DDX10: variants seen among roughly 807,000 people sequenced by gnomAD.
DDX10 encodes DEAD-box helicase 10.
DDX10 carries 74 observed loss-of-function variants against 104.3 expected under a neutral mutation model. The ratio of observed to expected loss-of-function variants is 0.71; its 90% CI spans 0.59 to 0.86. The LOEUF (loss-of-function observed/expected upper bound fraction) is 0.86. DDX10 is among the 40% of genes least tolerant of loss of function. The probability of loss-of-function intolerance (pLI) is 0.00; values close to 1 mark genes in which losing one functional copy is unlikely to be tolerated. For synonymous variants in DDX10, 351 were observed against 353.4 expected, an observed-to-expected ratio of 0.99 and a Z score of 0.08; for missense variants, 952 against 1,040.0, an observed-to-expected ratio of 0.92 and a Z score of 1.16.
chr11:108,925,995 T>C (rs1428815545), intron 17 of DDX10, among the ~76,000 whole-genome samples: 2 of 152,180 alleles, frequency 1.3e-5, no homozygotes, highest in African/African-American at 2.4e-5. Context: ...GGGTAGGTGG[T>C]GATCTTAGAT....
At chr11:108,929,590 G>A (rs1863951419) in intron 17 of DDX10, 1 of 152,130 alleles carries the variant, frequency 6.6e-6, no homozygotes, top group Non-Finnish European at 1.5e-5. Context: ...GGAAACAGTT[G>A]CTAGTCTAGT....
At chr11:108,689,159 A>G in intron 7 of DDX10, 97 bp downstream of exon 7, 1 of 1,331,754 alleles carries the variant, frequency 7.5e-7, no homozygotes. Context: ...CGAGAAGTAC[A>G]GTGCTAGGTG....
intron 13 of DDX10, among the ~76,000 whole-genome samples, chr11:108,816,753 C>G (rs1157715551): frequency 2.0e-5 from 3 of 152,076 alleles, no homozygotes; most frequent in Admixed American, 6.5e-5. Flanking sequence ...AGAGTTTCAC[C>G]ATGTTGGCCA....
intron 13 of DDX10, among the ~76,000 whole-genome samples, chr11:108,771,703 C>G (rs1252820599): frequency 1.3e-5 from 2 of 152,134 alleles, no homozygotes; most frequent in Non-Finnish European, 2.9e-5. Context: ...TATTGTTTAT[C>G]TAAATGAGTG....
intron 13 of DDX10, among the ~76,000 whole-genome samples, chr11:108,735,798 C>G (rs750621131): frequency 6.6e-5 from 10 of 151,920 alleles, no homozygotes; most frequent in Non-Finnish European, 1.0e-4. Flanking sequence ...GCTAGGCACT[C>G]TAGGGGGAAT....
chr11:108,900,431 T>C (rs1242901340), intron 16 of DDX10, among the ~76,000 whole-genome samples: 1 of 152,206 alleles, frequency 6.6e-6, no homozygotes, highest in Non-Finnish European at 1.5e-5. Context: ...CCAGTCCACC[T>C]TTCTAAAATA....
intron 13 of DDX10, chr11:108,768,089 C>CGT (rs1051803550): frequency 1.3e-5 from 2 of 152,142 alleles, no homozygotes; most frequent in African/African-American, 4.8e-5. Flanking sequence ...ATATATAATA[C>CGT]ATGTAACAAA....
intron 13 of DDX10, among the ~76,000 whole-genome samples, chr11:108,793,197 A>C (rs934976015): frequency 2.6e-5 from 4 of 152,118 alleles, no homozygotes; most frequent in Admixed American, 2.0e-4. Flanking sequence ...GTGACACTCC[A>C]CTGATATGTG....
chr11:108,875,529 C>T (rs185885448), intron 16 of DDX10, among the ~76,000 whole-genome samples: 14 of 152,268 alleles, frequency 9.2e-5, no homozygotes, highest in African/African-American at 3.4e-4. Context: ...TTTAAGCTCT[C>T]ATCAGAATGC....
At chr11:108,729,274 T>C (rs558363604) in intron 13 of DDX10, among the ~76,000 whole-genome samples, 1 of 152,286 alleles carries the variant, frequency 6.6e-6, no homozygotes, top group African/African-American at 2.4e-5. Context: ...GCCGCTCTTA[T>C]TGAAGGAGGG....
intron 16 of DDX10, among the ~76,000 whole-genome samples, chr11:108,893,836 G>C (rs895611882): frequency 3.3e-5 from 5 of 152,042 alleles, no homozygotes; most frequent in Admixed American, 1.3e-4. Context: ...TTTCTCCAGA[G>C]AAAGTAATAG....
chr11:108,908,673 A>C (rs1216842400), intron 16 of DDX10, among the ~76,000 whole-genome samples: 1 of 152,228 alleles, frequency 6.6e-6, no homozygotes, highest in Non-Finnish European at 1.5e-5. Flanking sequence ...GGTCTCTAAT[A>C]CATTAAATAT....
intron 7 of DDX10, among the ~76,000 whole-genome samples, chr11:108,689,442 C>T (rs1376133462): frequency 1.3e-5 from 2 of 152,176 alleles, no homozygotes; most frequent in Non-Finnish European, 2.9e-5. Flanking sequence ...GCTGATCTGT[C>T]TGGAATGCCC....
intron 13 of DDX10, among the ~76,000 whole-genome samples, chr11:108,727,151 T>C (rs1212826111): frequency 6.6e-6 from 1 of 152,074 alleles, no homozygotes; most frequent in Admixed American, 6.6e-5. Context: ...TTGCGATGAC[T>C]TGACTGGGAA....
At chr11:108,861,672 C>G (rs1447113799) in intron 16 of DDX10, among the ~76,000 whole-genome samples, 2 of 151,962 alleles carry the variant, frequency 1.3e-5, no homozygotes, top group East Asian at 3.9e-4. Context: ...AAGGGGGCTC[C>G]TGGAGAACTT....
intron 16 of DDX10, 85 bp from the exon 17 acceptor site, chr11:108,917,788 G>A: frequency 7.5e-7 from 1 of 1,341,448 alleles, no homozygotes; most frequent in South Asian, 1.4e-5. Context: ...CAATTAGAGG[G>A]ATATCCATTG....
intron 16 of DDX10, among the ~76,000 whole-genome samples, chr11:108,854,700 A>T (rs1423289196): frequency 6.7e-6 from 1 of 150,344 alleles, no homozygotes; most frequent in Non-Finnish European, 1.5e-5. Context: ...TCATTTTATT[A>T]TACAAGGAAG....
intron 16 of DDX10, among the ~76,000 whole-genome samples, chr11:108,889,695 C>G (rs1863349172): frequency 6.6e-6 from 1 of 152,094 alleles, no homozygotes; most frequent in African/African-American, 2.4e-5. Flanking sequence ...AGCCATTTAC[C>G]TGTGTGCTTT....
At chr11:108,865,001 G>A (rs1591101384) in intron 16 of DDX10, among the ~76,000 whole-genome samples, 1 of 152,192 alleles carries the variant, frequency 6.6e-6, no homozygotes, top group East Asian at 1.9e-4. Flanking sequence ...CCAATGCTGG[G>A]ATATAAGGGC....
Sources: allele counts gnomAD v4.1 joint callset (sites outside exome capture counted in the v4.1 genomes callset), GRCh38; gene constraint gnomAD v4.1.1; transcripts MANE v1.5; gene names NCBI Gene and HGNC (gene_info 2026-07-23, HGNC 2026-07-21).